The following FSTL4 variants were observed in gnomAD, a reference collection of about 807,000 sequenced individuals.
The protein encoded by FSTL4 is follistatin like 4, also known as follistatin-related protein 4.
FSTL4 carries 28 observed loss-of-function variants against 78.2 expected under a neutral mutation model. That is an observed-to-expected ratio of 0.36 (90% CI 0.27 to 0.49). The LOEUF is 0.49. Ranked by LOEUF, FSTL4 falls within the 20% of genes least tolerant of loss-of-function variation. The pLI is 0.98. For missense variants in FSTL4, 922 were observed against 1,084.9 expected, an observed-to-expected ratio of 0.85 and a Z score of 2.11; for synonymous variants, 422 against 440.5, an observed-to-expected ratio of 0.96 and a Z score of 0.53.
chr5:133,651,581 G>C, the FSTL4 span, among the ~76,000 whole-genome samples: 1 of 151,804 alleles, frequency 6.6e-6, no homozygotes, highest in Non-Finnish European at 1.5e-5. Flanking sequence ...GTATACCTGG[G>C]ATAAACTTCA....
intron 14 of FSTL4, among the ~76,000 whole-genome samples, chr5:133,208,627 TTCTTTA>T (rs2126769121): frequency 6.6e-6 from 1 of 152,340 alleles, no homozygotes; most frequent in African/African-American, 2.4e-5. Context: ...GCTTTTCTTG[TTCTTTA>T]TCTTTCAGAC....
At chr5:133,221,911 T>TTTTG (rs1561626807) in intron 11 of FSTL4, among the ~76,000 whole-genome samples, 19 of 115,840 alleles carry the variant, frequency 1.6e-4, no homozygotes, top group African/African-American at 7.8e-4. Flanking sequence ...TTTTTTTTTT[T>TTTTG]TTTTTTTTTT....
intron 3 of FSTL4, among the ~76,000 whole-genome samples, chr5:133,443,191 A>C (rs1311065832): frequency 6.6e-6 from 1 of 152,226 alleles, no homozygotes; most frequent in Admixed American, 6.5e-5. Flanking sequence ...GTGGAGTCTA[A>C]ATGTGGAATT....
At chr5:133,732,481 C>A in the FSTL4 span, among the ~76,000 whole-genome samples, 1 of 152,148 alleles carries the variant, frequency 6.6e-6, no homozygotes, top group Non-Finnish European at 1.5e-5. Flanking sequence ...CTTCACTTCC[C>A]TAGTCCAGCC....
At chr5:133,462,745 A>T (rs1425014202) in intron 3 of FSTL4, among the ~76,000 whole-genome samples, 1 of 152,182 alleles carries the variant, frequency 6.6e-6, no homozygotes. Context: ...ACGAAGGATG[A>T]TAGAGTGGAA....
At chr5:133,766,915 G>A in the FSTL4 span, among the ~76,000 whole-genome samples, 1 of 152,322 alleles carries the variant, frequency 6.6e-6, no homozygotes, top group South Asian at 2.1e-4. Flanking sequence ...CCTAAACATA[G>A]CAGGACTCTA....
chr5:133,443,667 G>A (rs1260459069), intron 3 of FSTL4, among the ~76,000 whole-genome samples: 1 of 152,140 alleles, frequency 6.6e-6, no homozygotes, highest in East Asian at 1.9e-4. Flanking sequence ...CTGTCTGTGG[G>A]TTCAGCCCGA....
At chr5:133,803,048 T>A in the FSTL4 span, among the ~76,000 whole-genome samples, 25,482 of 152,110 alleles carry the variant, frequency 0.17, 2,606 homozygotes, top group African/African-American at 0.29. Context: ...AGGGGAGAAT[T>A]AGACTCACAC....
At chr5:133,317,239 C>G (rs1264766591) in intron 4 of FSTL4, among the ~76,000 whole-genome samples, 1 of 152,254 alleles carries the variant, frequency 6.6e-6, no homozygotes, top group Non-Finnish European at 1.5e-5. Flanking sequence ...CCGAAGCACA[C>G]AGCTCGTTTT....
intron 4 of FSTL4, among the ~76,000 whole-genome samples, chr5:133,341,431 C>G (rs750120823): frequency 7.2e-5 from 11 of 152,224 alleles, no homozygotes; most frequent in Admixed American, 2.6e-4. Context: ...TACCCCAGAA[C>G]ACGGCTTCTC....
chr5:133,343,214 G>C (rs1370942210), intron 4 of FSTL4, among the ~76,000 whole-genome samples: 1 of 152,244 alleles, frequency 6.6e-6, no homozygotes, highest in Non-Finnish European at 1.5e-5. Flanking sequence ...TGGAAGAAGA[G>C]AGAAAGTTCT....
chr5:133,637,955 TTAATAATAA>T, the FSTL4 span, among the ~76,000 whole-genome samples: 493 of 147,906 alleles, frequency 3.3e-3, no homozygotes, highest in Non-Finnish European at 5.8e-3. Context: ...ATAATAATAA[TTAATAATAA>T]TAATAATAAT....
the FSTL4 span, among the ~76,000 whole-genome samples, chr5:133,829,970 A>G: frequency 6.6e-6 from 1 of 151,922 alleles, no homozygotes; most frequent in Non-Finnish European, 1.5e-5. Flanking sequence ...CCTAGCCCCC[A>G]CTGAGGGATG....
intron 6 of FSTL4, among the ~76,000 whole-genome samples, chr5:133,293,675 G>A (rs1753320697): frequency 6.6e-6 from 1 of 152,186 alleles, no homozygotes; most frequent in South Asian, 2.1e-4. Flanking sequence ...ATACCGGCCA[G>A]ATGCAGCATC....
chr5:133,248,775 A>C (rs1752122894), intron 7 of FSTL4: 1 of 152,662 alleles, frequency 6.6e-6, no homozygotes, highest in South Asian at 2.1e-4. Context: ...TTCTTCTTCC[A>C]CACAGCACCA....
chr5:133,427,223 C>T (rs113327391), intron 3 of FSTL4, among the ~76,000 whole-genome samples: 1,822 of 152,314 alleles, frequency 0.012, 41 homozygotes, highest in African/African-American at 0.041. Flanking sequence ...CTATCTTCCC[C>T]AAGGACGAGA....
chr5:133,758,071 T>A, the FSTL4 span, among the ~76,000 whole-genome samples: 1 of 152,210 alleles, frequency 6.6e-6, no homozygotes, highest in Admixed American at 6.5e-5. Context: ...CCTTTGATTA[T>A]GAATAAAAGC....
At chr5:133,700,670 T>C in the FSTL4 span, among the ~76,000 whole-genome samples, 1 of 152,134 alleles carries the variant, frequency 6.6e-6, no homozygotes, top group South Asian at 2.1e-4. Flanking sequence ...CCAAAAGAGG[T>C]GAACCCAGGC....
chr5:133,678,639 A>G, the FSTL4 span, among the ~76,000 whole-genome samples: 1 of 152,168 alleles, frequency 6.6e-6, no homozygotes, highest in African/African-American at 2.4e-5. Flanking sequence ...ACTGAGGCAT[A>G]CAAGTGGAGC....
Sources: gnomAD v4.1 joint callset for allele counts (sites outside exome capture counted in the v4.1 genomes callset) on GRCh38, gnomAD v4.1.1 for gene constraint, MANE v1.5 for transcripts, NCBI Gene and HGNC (gene_info 2026-07-23, HGNC 2026-07-21) for gene names.